Variants in PNO1 observed in about 807,000 individuals in gnomAD.
PNO1 encodes partner of NOB1 homolog, also known as RNA-binding protein PNO1.
Under a neutral mutation model 28.4 loss-of-function variants are expected in PNO1, and 16 were observed. The observed-to-expected ratio is 0.56, with a 90% confidence interval of 0.38 to 0.85. The LOEUF is 0.85. PNO1 is among the 40% of genes least tolerant of loss of function. The pLI is 0.00. For synonymous variants in PNO1, 115 were observed against 110.8 expected, an observed-to-expected ratio of 1.04 and a Z score of -0.24; for missense variants, 304 against 312.2, an observed-to-expected ratio of 0.97 and a Z score of 0.20.
rs72622603 is a variant in PNO1, at chr2:68,175,333, C to T, written c.*531C>T. ...AGAGTGCAGTGGTGCAATCTCAGCT[C>T]ACTGCAGCCTCTGCCTCCTGAGTTC... On this transcript the variant is annotated 3_prime_UTR_variant, in exon 7 of 7. Transcript: ENST00000263657. 1,005 of 152,394 alleles carry T rather than the reference C, an allele frequency of 6.6e-3. 31 individuals carry two copies. In the East Asian group the frequency reaches 0.098, roughly 15 times the overall value. 9.4% of individuals were successfully genotyped at this position (152,394 alleles called of 1,614,324 possible). A position where few individuals can be genotyped will look rare whatever the true frequency, so the allele number is the denominator to read the frequency against.
At chr2:68,164,534 A>G (rs901906213) in intron 5 of PNO1, among the ~76,000 whole-genome samples, 2 of 152,156 alleles carry the variant, frequency 1.3e-5, no homozygotes, top group Non-Finnish European at 2.9e-5. Context: ...GCAGTGGATC[A>G]TGCCCATAAT....
chr2:68,162,325 G>A lies in PNO1; in HGVS notation c.502G>A (p.Val168Ile). 9 of 1,605,544 alleles carry A rather than the reference G, an allele frequency of 5.6e-6. No individual in the cohort carries two copies. The highest frequency in any genetic ancestry group is 7.7e-6 in the Non-Finnish European group (9 of 1,175,040). ...CCTAGAGTCTTTTGAAATTACAGAT[G>A]GTGAGTGTGTGTTGGTCTGCGCTCT... Reference protein sequence around the residue: ...LFLESFEITDVKPLKGDHLSR... With the variant: ...LFLESFEITDIKPLKGDHLSR... The change falls in exon 4 of 7, where the codon GTT (valine) becomes ATT (isoleucine). Residue 168 changes from valine to isoleucine, a missense_variant and splice_region_variant. Coordinates refer to ENST00000263657, the MANE Select transcript of PNO1 (RefSeq NM_020143.4).
intron 5 of PNO1, 50 bp from the exon 6 acceptor site, chr2:68,173,297 G>A (rs1246887775): frequency 9.1e-7 from 1 of 1,102,442 alleles, no homozygotes; most frequent in Non-Finnish European, 1.4e-6. Flanking sequence ...GATTACAGGT[G>A]TGAGTCATTG....
In PNO1 at chr2:68,157,967, G is replaced by A. The variant is rs759735930; in HGVS notation, c.33G>A (p.Arg11=). MESEMETQSA[R]AEEGFTQVTR... ...CCGAAATGGAAACGCAGAGCGCCAG[G>A]GCAGAGGAGGGCTTTACCCAGGTCA... is the stretch of plus-strand genomic sequence containing the variant. Residue 11 remains arginine (R), a synonymous_variant, in exon 1 of 7, where the codon AGG becomes AGA. Coordinates refer to ENST00000263657, the MANE Select transcript of PNO1 (RefSeq NM_020143.4). The A allele has an allele frequency of 1.9e-6, 3 of 1,614,014 alleles. No individual in the cohort carries two copies. The highest frequency in any genetic ancestry group is 1.6e-4 in the Middle Eastern group (1 of 6,080).
intron 5 of PNO1, among the ~76,000 whole-genome samples, chr2:68,171,205 G>C (rs554464552): frequency 6.6e-6 from 1 of 152,142 alleles, no homozygotes; most frequent in African/African-American, 2.4e-5. Flanking sequence ...CATTTTCGTC[G>C]TACTAATTCA....
rs956521944 is a variant in PNO1, at chr2:68,175,575, T to A, written c.*773T>A. 6 of 152,372 alleles carry A rather than the reference T, an allele frequency of 3.9e-5. No individual in the cohort carries two copies. Among genetic ancestry groups the A allele is most frequent in the Admixed American group, 3.9e-4 (6 of 15,298 alleles). The allele number at this position is 152,372 out of a possible 1,614,324, so 9.4% of individuals were successfully genotyped here. A position where few individuals can be genotyped will look rare whatever the true frequency, so the allele number is the denominator to read the frequency against. On this transcript the variant is annotated 3_prime_UTR_variant, in exon 7 of 7. Transcript: ENST00000263657. ...TGCGCCTGGCCTTGATGTGTGAATA[T>A]TTGAGAGGTCATAAGCAGTGGTTTT...
chr2:68,165,769 A>G (rs1490984819), intron 5 of PNO1, among the ~76,000 whole-genome samples: 1 of 152,200 alleles, frequency 6.6e-6, no homozygotes, highest in Non-Finnish European at 1.5e-5. Flanking sequence ...TGGTAAATTT[A>G]TAAGTATATT....
intron 4 of PNO1, 23 bp downstream of exon 4, chr2:68,162,348 T>C (rs751617435): frequency 9.6e-6 from 15 of 1,562,332 alleles, no homozygotes; most frequent in African/African-American, 5.4e-5. Flanking sequence ...TGGTCTGCGC[T>C]CTTGTGTCGC....
At chr2:68,160,030 G>A (rs1054651848) in intron 2 of PNO1, among the ~76,000 whole-genome samples, 7 of 143,084 alleles carry the variant, frequency 4.9e-5, no homozygotes, top group Admixed American at 3.7e-4. Context: ...GTGCAGTGTC[G>A]CAATCTCGGC....
rs78285848 is a variant in PNO1, at chr2:68,164,977, T to G, written c.620+2314T>G. Among the ~76,000 whole-genome samples the G allele has an allele frequency of 6.8e-3, 1,033 of 151,966 alleles. 10 individuals carry two copies. The highest frequency in any genetic ancestry group is 0.024 in the African/African-American group (986 of 41,308). ...AAAACTGAAGAGCATTCCGAGTGTG[T>G]ACCACTTTGGCGCAATTATAAAGTC... On this transcript the variant is annotated intron_variant, in intron 5 of 6. Coordinates refer to ENST00000263657, the MANE Select transcript of PNO1 (RefSeq NM_020143.4).
At position 68,162,282 on chromosome 2, in the gene PNO1, C is replaced by T. The variant is rs1673852360; in HGVS notation, c.459C>T (p.Ile153=). The T allele has an allele frequency of 6.2e-7, 1 of 1,612,846 alleles. No homozygotes were observed. The highest frequency in any genetic ancestry group is 1.3e-5 in the African/African-American group (1 of 74,990). Residue 153 remains isoleucine (I), a synonymous_variant, in exon 4 of 7, where the codon ATC becomes ATT. Transcript: ENST00000263657. ...TATTATAGGATGCACTTGCCCTCATCAGGTTGGATGACCTCTTCCTAGAGT... is the reference window on the plus strand; with the variant it reads ...TATTATAGGATGCACTTGCCCTCATTAGGTTGGATGACCTCTTCCTAGAGT... ...GFQVEDALAL[I]RLDDLFLESF... is the part of the protein sequence containing the mutation.
chr2:68,162,401 C>A, intron 4 of PNO1, 76 bp downstream of exon 4: 1 of 1,188,550 alleles, frequency 8.4e-7, no homozygotes, highest in Non-Finnish European at 1.2e-6. Context: ...CTAATAGCAT[C>A]AATTGAGCTG....
chr2:68,172,060 A>G (rs1477055320), intron 5 of PNO1, among the ~76,000 whole-genome samples: 4 of 152,286 alleles, frequency 2.6e-5, no homozygotes, highest in African/African-American at 9.6e-5. Context: ...GTGGAAAACA[A>G]GACCCCATGT....
intron 6 of PNO1, 69 bp downstream of exon 6, chr2:68,173,486 C>A: frequency 1.0e-6 from 1 of 975,010 alleles, no homozygotes; most frequent in Non-Finnish European, 1.7e-6. Flanking sequence ...AAGTCAAAAC[C>A]ACATTTGCAA....
intron 3 of PNO1, 21 bp from the exon 4 acceptor site, chr2:68,162,244 G>T (rs779854893): frequency 2.2e-5 from 35 of 1,588,302 alleles, no homozygotes; most frequent in Non-Finnish European, 3.0e-5. Context: ...GGGCTTCACG[G>T]TGTTTGTTTT....
intron 2 of PNO1, among the ~76,000 whole-genome samples, chr2:68,158,863 C>G (rs560437137): frequency 6.6e-6 from 1 of 152,290 alleles, no homozygotes; most frequent in Admixed American, 6.5e-5. Context: ...TAAGCACTTG[C>G]TGCTTTACAA....
chr2:68,173,156 C>T, intron 5 of PNO1, 191 bp from the exon 6 acceptor site: 1 of 349,392 alleles, frequency 2.9e-6, no homozygotes, highest in Non-Finnish European at 5.3e-6. Context: ...TTGCACTCTA[C>T]AGGCACGTGC....
chr2:68,162,352 G>A (rs965285725), intron 4 of PNO1, 27 bp downstream of exon 4: 3 of 1,503,836 alleles, frequency 2.0e-6, no homozygotes, highest in South Asian at 1.2e-5. Context: ...CTGCGCTCTT[G>A]TGTCGCTGAC....
chr2:68,174,050 G>C (rs1207572134), intron 6 of PNO1, among the ~76,000 whole-genome samples: 1 of 152,180 alleles, frequency 6.6e-6, no homozygotes, highest in Non-Finnish European at 1.5e-5. Flanking sequence ...AAGAGCTGCT[G>C]AACAGCTTCA....
Sources: gnomAD v4.1 joint callset for allele counts (sites outside exome capture counted in the v4.1 genomes callset) on GRCh38, gnomAD v4.1.1 for gene constraint, MANE v1.5 for transcripts, NCBI Gene and HGNC (gene_info 2026-07-23, HGNC 2026-07-21) for gene names.